Variants in SNTG2 observed in about 807,000 individuals in gnomAD.
The protein encoded by SNTG2 is syntrophin gamma 2.
In SNTG2, 74 loss-of-function variants were observed where a neutral mutation model predicts 70.9. The ratio of observed to expected loss-of-function variants is 1.04; its 90% confidence interval spans 0.86 to 1.27. The LOEUF (loss-of-function observed/expected upper bound fraction) is 1.27. Among genes scored for constraint, SNTG2 ranks in the 50% most tolerant of loss-of-function variants. The pLI is 0.00. For synonymous variants in SNTG2, 278 were observed against 273.8 expected (o/e 1.02, Z -0.15); for missense variants, 717 against 690.7 (o/e 1.04, Z -0.43).
intron 4 of SNTG2, among the ~76,000 whole-genome samples, chr2:1,117,088 G>A (rs968567783): frequency 7.3e-5 from 11 of 151,104 alleles, no homozygotes; most frequent in East Asian, 1.9e-4. Flanking sequence ...TGGGTGCCCC[G>A]GTGTACAGGT....
At chr2:1,182,901 C>T (rs946840145) in intron 8 of SNTG2, among the ~76,000 whole-genome samples, 6 of 152,054 alleles carry the variant, frequency 3.9e-5, no homozygotes, top group Admixed American at 6.6e-5. Context: ...TATAGGTGTG[C>T]GCTACCATGC....
chr2:1,276,566 T>C (rs934954588), intron 14 of SNTG2, among the ~76,000 whole-genome samples: 4 of 152,230 alleles, frequency 2.6e-5, no homozygotes. Context: ...TTTCAAAATA[T>C]TACAACTCAT....
intron 12 of SNTG2, among the ~76,000 whole-genome samples, chr2:1,252,119 C>A (rs1558598552): frequency 6.6e-6 from 1 of 152,192 alleles, no homozygotes; most frequent in African/African-American, 2.4e-5. Flanking sequence ...GCTGCAGGAA[C>A]CGTGAGTTGA....
chr2:970,213 A>G (rs1484636065), intron 1 of SNTG2, among the ~76,000 whole-genome samples: 2 of 152,188 alleles, frequency 1.3e-5, no homozygotes, highest in Non-Finnish European at 2.9e-5. Context: ...GATAAAGCCT[A>G]CCTAATTGTG....
intron 1 of SNTG2, among the ~76,000 whole-genome samples, chr2:987,227 C>T (rs1661355516): frequency 6.6e-6 from 1 of 152,130 alleles, no homozygotes; most frequent in African/African-American, 2.4e-5. Flanking sequence ...ATGGTTGTGC[C>T]AGGACTGAGA....
intron 4 of SNTG2, among the ~76,000 whole-genome samples, chr2:1,130,520 C>G (rs1045330421): frequency 1.3e-5 from 2 of 152,128 alleles, no homozygotes; most frequent in African/African-American, 2.4e-5. Flanking sequence ...TTAAAGTTTT[C>G]TTTTTGATAC....
At chr2:1,092,839 A>G (rs543392876) in intron 2 of SNTG2, among the ~76,000 whole-genome samples, 1 of 152,258 alleles carries the variant, frequency 6.6e-6, no homozygotes, top group Non-Finnish European at 1.5e-5. Flanking sequence ...TATTATTAAT[A>G]TAATGATGCT....
intron 8 of SNTG2, among the ~76,000 whole-genome samples, chr2:1,197,962 C>T (rs1673033065): frequency 6.6e-6 from 1 of 152,022 alleles, no homozygotes; most frequent in Admixed American, 6.6e-5. Flanking sequence ...AGAAAATCAA[C>T]AGGGAAGCAT....
At chr2:1,306,501 G>A (rs1680672326) in intron 14 of SNTG2, among the ~76,000 whole-genome samples, 1 of 152,234 alleles carries the variant, frequency 6.6e-6, no homozygotes, top group African/African-American at 2.4e-5. Flanking sequence ...AAGTGAGGAA[G>A]AGCCTCCCGA....
At chr2:1,025,793 C>G (rs1330423473) in intron 1 of SNTG2, among the ~76,000 whole-genome samples, 1 of 152,200 alleles carries the variant, frequency 6.6e-6, no homozygotes, top group Non-Finnish European at 1.5e-5. Context: ...TGCAATGTCC[C>G]CCTGCTATGT....
At chr2:1,304,596 GA>G (rs1680594984) in intron 14 of SNTG2, among the ~76,000 whole-genome samples, 1 of 151,906 alleles carries the variant, frequency 6.6e-6, no homozygotes, top group African/African-American at 2.4e-5. Flanking sequence ...CATGGTGGGG[GA>G]CGCCTGTAAT....
chr2:1,148,381 G>A (rs950966876), intron 6 of SNTG2, among the ~76,000 whole-genome samples: 1 of 152,184 alleles, frequency 6.6e-6, no homozygotes, highest in Non-Finnish European at 1.5e-5. Flanking sequence ...ACATCACCTC[G>A]TGTTCCCAGG....
At chr2:1,149,109 G>T (rs1000133310) in intron 6 of SNTG2, among the ~76,000 whole-genome samples, 2 of 152,126 alleles carry the variant, frequency 1.3e-5, no homozygotes, top group Admixed American at 1.3e-4. Context: ...GTAAATTCTG[G>T]ATTCCATGGT....
At chr2:1,293,784 G>A (rs1342761884) in intron 14 of SNTG2, among the ~76,000 whole-genome samples, 1 of 152,130 alleles carries the variant, frequency 6.6e-6, no homozygotes, top group East Asian at 1.9e-4. Flanking sequence ...AGCGAACCTT[G>A]TAAAGTATGA....
rs376398085 is a variant in SNTG2 at position 1,015,882 on chromosome 2, A to G, written c.72+64814A>G. 7.9e-5 allele frequency among the ~76,000 whole-genome samples: 12 copies of G among 152,344 alleles called. No homozygotes were observed. The East Asian group carries it at 1.3e-3, about 17-fold the overall frequency. ...TCATCTGTATCTGCTGCCCTGCAAG[A>G]CAAAAGACTTGCAGATGGCCCATGC... On this transcript the variant is annotated intron_variant, in intron 1 of 16. Coordinates refer to ENST00000308624, the MANE Select transcript of SNTG2 (RefSeq NM_018968.4).
intron 9 of SNTG2, among the ~76,000 whole-genome samples, chr2:1,212,892 A>C (rs960326582): frequency 1.1e-4 from 17 of 152,204 alleles, no homozygotes; most frequent in African/African-American, 3.6e-4. Flanking sequence ...GAAATTGTCA[A>C]TTCTAAATCA....
chr2:1,365,059 C>T (rs538665722), intron 16 of SNTG2, among the ~76,000 whole-genome samples: 2 of 149,138 alleles, frequency 1.3e-5, no homozygotes, highest in South Asian at 2.2e-4. Context: ...TTTGCAAGAA[C>T]CTTGTGTTTC....
chr2:1,211,011 C>A (rs752453645), intron 9 of SNTG2, among the ~76,000 whole-genome samples: 25 of 152,184 alleles, frequency 1.6e-4, no homozygotes, highest in Non-Finnish European at 3.1e-4. Context: ...TAAGTAACAT[C>A]TGACTGTAGA....
intron 1 of SNTG2, among the ~76,000 whole-genome samples, chr2:977,526 C>G (rs144648777): frequency 2.0e-5 from 3 of 152,170 alleles, no homozygotes; most frequent in Non-Finnish European, 4.4e-5. Flanking sequence ...TTTAAGGCAC[C>G]GTATCCTGCA....
Sources: allele counts gnomAD v4.1 joint callset (sites outside exome capture counted in the v4.1 genomes callset), GRCh38; gene constraint gnomAD v4.1.1; transcripts MANE v1.5; gene names NCBI Gene and HGNC (gene_info 2026-07-23, HGNC 2026-07-21).